FREM2: variants seen among roughly 807,000 people sequenced by gnomAD.
FREM2 encodes the protein FRAS1 related extracellular matrix 2, also known as FRAS1-related extracellular matrix protein 2.
A neutral mutation model predicts 219.9 loss-of-function variants in FREM2; 119 were observed. The observed-to-expected ratio is 0.54, with a 90% CI of 0.47 to 0.63. FREM2 has a LOEUF of 0.63. Ranked by LOEUF, FREM2 falls within the 30% of genes least tolerant of loss-of-function variation. FREM2 has a pLI of 0.00. For missense variants in FREM2, 4,030 were observed against 3,993.6 expected, an observed-to-expected ratio of 1.01 and a Z score of -0.25; for synonymous variants, 1,562 against 1,522.8, an observed-to-expected ratio of 1.03 and a Z score of -0.60.
intron 6 of FREM2, among the ~76,000 whole-genome samples, chr13:38,840,345 G>A (rs114342238): frequency 4.6e-5 from 7 of 151,372 alleles, no homozygotes; most frequent in African/African-American, 7.3e-5. Context: ...TGCAGAAATC[G>A]CCTGCCTTCT....
At chr13:38,747,568 T>G (rs1248118692) in intron 2 of FREM2, among the ~76,000 whole-genome samples, 1 of 152,074 alleles carries the variant, frequency 6.6e-6, no homozygotes, top group Non-Finnish European at 1.5e-5. Flanking sequence ...TTGAAGTAAG[T>G]TTAGTTACTT....
In FREM2 at chr13:38,876,293, A is replaced by C; in HGVS notation, c.8455A>C (p.Thr2819Pro). 3 of 1,614,106 alleles carry C rather than the reference A, an allele frequency of 1.9e-6. No individual in the cohort carries two copies. The highest frequency in any genetic ancestry group is 2.5e-6 in the Non-Finnish European group (3 of 1,179,962). Residue 2819 changes from threonine to proline, a missense_variant, in exon 20 of 24, where the codon ACT (threonine) becomes CCT (proline). Physicochemically the swap from Thr to Pro is conservative, Grantham distance 38. Transcript: ENST00000280481. The part of the protein sequence containing the change: ...GTYTVKLVPC[T>P]APSHQEYRLP... ...CTATACTGTGAAGCTGGTGCCATGC[A>C]CTGCCCCATCACATCAGGAATACCG...
At chr13:38,819,991 C>A (rs1875976632) in intron 6 of FREM2, among the ~76,000 whole-genome samples, 1 of 152,082 alleles carries the variant, frequency 6.6e-6, no homozygotes, top group South Asian at 2.1e-4. Flanking sequence ...CAAGATGAAA[C>A]AAGCTATATA....
chr13:38,853,962 A>G (rs1356338965), intron 11 of FREM2, among the ~76,000 whole-genome samples: 2 of 152,112 alleles, frequency 1.3e-5, no homozygotes, highest in African/African-American at 4.8e-5. Context: ...ATAAAGTCAG[A>G]AAAAAGTTAA....
In FREM2 at chr13:38,884,198, A is replaced by G. The variant is rs1447682872; in HGVS notation, c.*3411A>G. The stretch of plus-strand genomic sequence containing the variant: ...AGGACCAACTCTAGGCTCAATATGA[A>G]GGGATTTAGTTCTGTAAGCAGCAAA... On this transcript the variant is annotated 3_prime_UTR_variant, in exon 24 of 24. Transcript: ENST00000280481. 6.6e-6 allele frequency: 1 copy of G among 152,200 alleles called. No individual in the cohort carries two copies. The highest frequency in any genetic ancestry group is 1.5e-5 in the Non-Finnish European group (1 of 68,034). 9.4% of individuals were successfully genotyped at this position (152,200 alleles called of 1,614,324 possible).
intron 6 of FREM2, among the ~76,000 whole-genome samples, chr13:38,793,601 A>G (rs908565772): frequency 6.6e-6 from 1 of 152,242 alleles, no homozygotes; most frequent in African/African-American, 2.4e-5. Flanking sequence ...TGCAATAGAA[A>G]TAGGTGACAC....
At position 38,875,989 on chromosome 13, in the gene FREM2, A is replaced by G. The variant is rs150673129; in HGVS notation, c.8282-33A>G. On this transcript the variant is annotated intron_variant, in intron 18 of 23. Coordinates refer to ENST00000280481, the MANE Select transcript of FREM2 (RefSeq NM_207361.6). ...TATGCACTCTTTTAATTGAACCACTATATCATTATTATAATTACTGGCACT... is the reference window on the plus strand; with the variant it reads ...TATGCACTCTTTTAATTGAACCACTGTATCATTATTATAATTACTGGCACT... The G allele has an allele frequency of 4.8e-4, 756 of 1,581,010 alleles. No homozygotes were observed. The African/African-American group carries it at 8.9e-3, about 19-fold the overall frequency.
chr13:38,754,889 G>GATTATTATT (rs1437549301), intron 2 of FREM2, among the ~76,000 whole-genome samples: 321 of 82,234 alleles, frequency 3.9e-3, no homozygotes, highest in South Asian at 7.5e-3. Context: ...TGATGATGAT[G>GATTATTATT]ATGATGATGA....
intron 2 of FREM2, among the ~76,000 whole-genome samples, chr13:38,740,462 G>A (rs1872198084): frequency 6.6e-6 from 1 of 152,196 alleles, no homozygotes; most frequent in Non-Finnish European, 1.5e-5. Context: ...TACATCAATT[G>A]TTGAGATGAT....
rs1566135720 is a variant in FREM2 at position 38,769,827 on chromosome 13, TG to T, written c.5641+21del. 3 of 1,578,066 alleles carry T rather than the reference TG, an allele frequency of 1.9e-6. No individual in the cohort carries two copies. The Admixed American group carries it at 5.0e-5, about 26-fold the overall frequency. On this transcript the variant is annotated intron_variant, in intron 4 of 23. Coordinates refer to ENST00000280481, the MANE Select transcript of FREM2 (RefSeq NM_207361.6). ...GGAGATGGTAAGAGCCATCGTCAAC[TG>T]GTTTATGTTGTTGCTGTTGGGCTGC...
chr13:38,760,643 C>A (rs1277123161), intron 2 of FREM2, among the ~76,000 whole-genome samples: 1 of 151,776 alleles, frequency 6.6e-6, no homozygotes, highest in Non-Finnish European at 1.5e-5. Context: ...TAAAAAGATT[C>A]AGTAATGAAA....
intron 8 of FREM2, among the ~76,000 whole-genome samples, chr13:38,849,399 A>T (rs1324106117): frequency 2.0e-5 from 3 of 152,160 alleles, no homozygotes; most frequent in African/African-American, 7.2e-5. Context: ...ACAGCACAAG[A>T]CACTTTCTGT....
rs1566166478 is a variant in FREM2 at position 38,851,118 on chromosome 13, C to A, written c.6742+10C>A. On this transcript the variant is annotated intron_variant, in intron 10 of 23. Coordinates refer to ENST00000280481, the MANE Select transcript of FREM2 (RefSeq NM_207361.6). ...CGAGATGATGCTGATAGTAAGAAAT[C>A]TTTTTTTGTTTGTTCAACTGTAAAT... The A allele has an allele frequency of 6.2e-7, 1 of 1,612,486 alleles. No individual in the cohort carries two copies. The highest frequency in any genetic ancestry group is 1.7e-5 in the Admixed American group (1 of 60,008).
chr13:38,839,094 A>G (rs76130796), intron 6 of FREM2, among the ~76,000 whole-genome samples: 8 of 152,022 alleles, frequency 5.3e-5, no homozygotes, highest in Non-Finnish European at 8.8e-5. Flanking sequence ...ATCTTCGTGG[A>G]TTTATCTACC....
Position 38,690,698 on chromosome 13 carries a change from T to C in FREM2, c.3354T>C (p.Ile1118=). The change falls in exon 1 of 24, where the codon ATT becomes ATC. Residue 1118 remains isoleucine, a synonymous_variant. Coordinates refer to ENST00000280481, the MANE Select transcript of FREM2 (RefSeq NM_207361.6). ...CTACTTCAGGTTATGTTGAAAACAT[T>C]TCTCCAGCACCAGGCTCTGAGAAAT... ...IQPTSGYVEN[I]SPAPGSEKSR... The C allele has an allele frequency of 6.2e-7, 1 of 1,614,060 alleles. No homozygotes were observed. The highest frequency in any genetic ancestry group is 8.5e-7 in the Non-Finnish European group (1 of 1,180,042).
At position 38,851,875 on chromosome 13, in the gene FREM2, G is replaced by T. The variant is rs79530106; in HGVS notation, c.6925+7G>T. The T allele has an allele frequency of 4.3e-3, 6,914 of 1,612,572 alleles. 281 individuals carry two copies. The East Asian group carries it at 0.1, about 24-fold the overall frequency. On this transcript the variant is annotated splice_region_variant and intron_variant, in intron 11 of 23. Transcript: ENST00000280481. ...TACCACCCTGTGTCAGAAGGTATGG[G>T]GCTCCCAGGGCCTGTCTCCTGATGG... is the stretch of plus-strand genomic sequence containing the variant.
chr13:38,699,554 A>G (rs1870258443), intron 2 of FREM2, among the ~76,000 whole-genome samples: 1 of 152,134 alleles, frequency 6.6e-6, no homozygotes, highest in Non-Finnish European at 1.5e-5. Flanking sequence ...ATATCATTTT[A>G]GGAGTCTTTT....
intron 6 of FREM2, among the ~76,000 whole-genome samples, chr13:38,792,448 A>T (rs1476125507): frequency 3.3e-5 from 5 of 152,188 alleles, no homozygotes; most frequent in Non-Finnish European, 7.3e-5. Flanking sequence ...TTCCCTTTTC[A>T]TGGTATTAGT....
intron 11 of FREM2, among the ~76,000 whole-genome samples, chr13:38,855,706 C>G (rs1213705699): frequency 6.6e-6 from 1 of 151,854 alleles, no homozygotes; most frequent in Admixed American, 6.6e-5. Flanking sequence ...AACAATGATA[C>G]AATGAACTTT....
Sources: gnomAD v4.1 joint callset for allele counts (sites outside exome capture counted in the v4.1 genomes callset) on GRCh38, gnomAD v4.1.1 for gene constraint, MANE v1.5 for transcripts, NCBI Gene and HGNC (gene_info 2026-07-23, HGNC 2026-07-21) for gene names.